IRGC: variants seen among roughly 807,000 people sequenced by gnomAD.
The protein encoded by IRGC is immunity related GTPase cinema, also known as interferon-inducible GTPase 5.
Under a neutral mutation model 16.1 loss-of-function variants are expected in IRGC, and 4 were observed. The observed-to-expected ratio is 0.25, with a 90% CI of 0.12 to 0.57. IRGC has a LOEUF of 0.57. Ranked by LOEUF, IRGC falls within the 20% of genes least tolerant of loss-of-function variation. IRGC has a pLI of 0.92. For synonymous variants in IRGC, 307 were observed against 299.5 expected, an observed-to-expected ratio of 1.03 and a Z score of -0.26; for missense variants, 570 against 643.9, an observed-to-expected ratio of 0.89 and a Z score of 1.24.
chr19:43,716,606 A>G (rs549572211), intron 1 of IRGC, among the ~76,000 whole-genome samples: 3 of 152,196 alleles, frequency 2.0e-5, no homozygotes, highest in East Asian at 3.9e-4. Context: ...CCAAAGTGCT[A>G]GGATTACAGG....
rs1968245018 is a variant in IRGC, at chr19:43,719,822, G to T, written c.1264G>T (p.Gly422Cys). The change falls in exon 2 of 2, where the codon GGC becomes TGC. Residue 422 changes from glycine (G) to cysteine (C), a missense_variant. Gly to Cys is a radical substitution (Grantham distance 159). Transcript: ENST00000244314. ...CAGCTTGGAAGTGGCCAGTGACAATGGCGTGGAAAAGGGGGGCTCCGGGGA... is the reference window on the plus strand; with the variant it reads ...CAGCTTGGAAGTGGCCAGTGACAATTGCGTGGAAAAGGGGGGCTCCGGGGA... ...EVSLEVASDN[G>C]VEKGGSGEGG... 2 of 1,613,950 alleles carry T rather than the reference G, an allele frequency of 1.2e-6. No homozygotes were observed. Among genetic ancestry groups the T allele is most frequent in the African/African-American group, 2.7e-5 (2 of 74,940 alleles).
Position 43,718,766 on chromosome 19 carries a change from C to T in IRGC, c.208C>T (p.Leu70Phe). The change falls in exon 2 of 2, where the codon CTC becomes TTC. Residue 70 changes from leucine to phenylalanine, a missense_variant. Leu to Phe is a conservative substitution (Grantham distance 22, BLOSUM62 0). Coordinates refer to ENST00000244314, the MANE Select transcript of IRGC (RefSeq NM_019612.4). ...CGAGTCGGGCGCGGGCAAGTCCTCC[C>T]TCATCAATGCCCTGCGTGGCCTGGA... is the stretch of plus-strand genomic sequence containing the variant. ...TGESGAGKSSLINALRGLEAE... is the reference protein window; with the variant it reads ...TGESGAGKSSFINALRGLEAE... 1 of 1,612,918 alleles carries T rather than the reference C, an allele frequency of 6.2e-7. No homozygotes were observed. Among genetic ancestry groups the T allele is most frequent in the Non-Finnish European group, 8.5e-7 (1 of 1,179,876 alleles).
rs756387844 is a variant in IRGC, at chr19:43,719,166, G to A, written c.608G>A (p.Arg203Gln). The A allele has an allele frequency of 1.2e-5, 19 of 1,609,168 alleles. No homozygotes were observed. Among genetic ancestry groups the A allele is most frequent in the Non-Finnish European group, 1.6e-5 (19 of 1,179,670 alleles). The change falls in exon 2 of 2, where the codon CGG (arginine) becomes CAG (glutamine). Residue 203 changes from arginine (R) to glutamine (Q), a missense_variant. By Grantham distance (43) the Arg-to-Gln change is conservative. Coordinates refer to ENST00000244314, the MANE Select transcript of IRGC (RefSeq NM_019612.4). ...CGAGACCACTGTGCCGAGCGGCTGC[G>A]GGAGGCCGGCGTGGCTGACCCTCGC... ...EIRDHCAERLREAGVADPRIF... is the reference protein window; with the variant it reads ...EIRDHCAERLQEAGVADPRIF...
chr19:43,718,504 C>G lies in IRGC; in HGVS notation c.-55C>G. ...CTTCTCCTCTGCAGGCGCTGAGGAT[C>G]ACGCATCCTGTGACTCTCCCCTGTC... On this transcript the variant is annotated 5_prime_UTR_variant, in exon 2 of 2. The change creates a new upstream start codon in the 5' untranslated region. Coordinates refer to ENST00000244314, the MANE Select transcript of IRGC (RefSeq NM_019612.4). 1.3e-6 allele frequency: 2 copies of G among 1,516,644 alleles called. No homozygotes were observed. The highest frequency in any genetic ancestry group is 1.8e-6 in the Non-Finnish European group (2 of 1,134,504). The allele number at this position is 1,516,644 out of a possible 1,614,324, so 93.9% of individuals were successfully genotyped here.
chr19:43,719,706 C>T lies in IRGC; in HGVS notation c.1148C>T (p.Thr383Ile), dbSNP rs1600178255. 6.2e-7 allele frequency: 1 copy of T among 1,612,658 alleles called. No homozygotes were observed. Among genetic ancestry groups the T allele is most frequent in the East Asian group, 2.2e-5 (1 of 44,866 alleles). ...AGGISFGAVY[T>I]MLQGCLNEMA... Reference sequence around the variant, plus strand: ...GGCATCAGCTTTGGCGCTGTCTACACCATGCTCCAGGGCTGCCTCAACGAG... The same window carrying T: ...GGCATCAGCTTTGGCGCTGTCTACATCATGCTCCAGGGCTGCCTCAACGAG... The change falls in exon 2 of 2, where the codon ACC (threonine) becomes ATC (isoleucine). Residue 383 changes from threonine to isoleucine, a missense_variant. Transcript: ENST00000244314.
In IRGC at chr19:43,719,820, A is replaced by T; in HGVS notation, c.1262A>T (p.Asn421Ile). The T allele has an allele frequency of 6.2e-7, 1 of 1,600,530 alleles. No individual in the cohort carries two copies. Among genetic ancestry groups the T allele is most frequent in the South Asian group, 1.1e-5 (1 of 90,818 alleles). Residue 421 changes from asparagine to isoleucine, a missense_variant, in exon 2 of 2, where the codon AAT (asparagine) becomes ATT (isoleucine). Physicochemically the swap from Asn to Ile is moderately radical, Grantham distance 149. Coordinates refer to ENST00000244314, the MANE Select transcript of IRGC (RefSeq NM_019612.4). ...PEVSLEVASD[N>I]GVEKGGSGEG... ...GTCAGCTTGGAAGTGGCCAGTGACA[A>T]TGGCGTGGAAAAGGGGGGCTCCGGG...
Position 43,718,813 on chromosome 19 carries a change from T to C in IRGC, c.255T>C (p.Ala85=), listed in dbSNP as rs755413542. ...TGGAGGCCGAGGACCCTGGCGCGGC[T>C]CTCACGGGCGTCATGGAGACCACGA... ...RGLEAEDPGA[A]LTGVMETTMQ... Residue 85 remains alanine, a synonymous_variant, in exon 2 of 2, where the codon GCT becomes GCC. Transcript: ENST00000244314. 3.4e-5 allele frequency: 55 copies of C among 1,612,752 alleles called. No homozygotes were observed. In the South Asian group the frequency reaches 6.0e-4, roughly 18 times the overall value.
In IRGC at chr19:43,718,876, C is replaced by G. The variant is rs765919907; in HGVS notation, c.318C>G (p.Asp106Glu). The change falls in exon 2 of 2, where the codon GAC becomes GAG. Residue 106 changes from aspartate to glutamate, a missense_variant. Transcript: ENST00000244314. The part of the protein sequence containing the change: ...PSPYPHPQFP[D>E]VTLWDLPGAG... ...CCTATCCACACCCACAGTTCCCTGA[C>G]GTGACCCTCTGGGACCTGCCAGGAG... 1.2e-6 allele frequency: 2 copies of G among 1,613,378 alleles called. No individual in the cohort carries two copies. The highest frequency in any genetic ancestry group is 2.2e-5 in the South Asian group (2 of 91,088).
chr19:43,719,449 A>G lies in IRGC; in HGVS notation c.891A>G (p.Ser297=). ...AAYDDALLIH[S]LRGYHRSFGL... ...ACGATGATGCGTTGCTCATCCACTC[A>G]CTGCGTGGCTACCACCGCAGCTTTG... Residue 297 remains serine, a synonymous_variant, in exon 2 of 2, where the codon TCA becomes TCG. Transcript: ENST00000244314. The G allele has an allele frequency of 6.2e-7, 1 of 1,601,612 alleles. No individual in the cohort carries two copies. Among genetic ancestry groups the G allele is most frequent in the African/African-American group, 1.3e-5 (1 of 74,852 alleles).
Position 43,718,707 on chromosome 19 carries a change from C to G in IRGC, c.149C>G (p.Thr50Arg), listed in dbSNP as rs370947488. 8.1e-6 allele frequency: 13 copies of G among 1,613,400 alleles called. No individual in the cohort carries two copies. The highest frequency in any genetic ancestry group is 1.3e-5 in the African/African-American group (1 of 74,942). ...CACCTCCAGGAGCTGCTGGCCTCCA[C>G]GGAAAGCATCCGCCTGGAGGTGGGC... is the stretch of plus-strand genomic sequence containing the variant. The part of the protein sequence containing the change: ...ASHLQELLAS[T>R]ESIRLEVGVT... Residue 50 changes from threonine (T) to arginine (R), a missense_variant, in exon 2 of 2, where the codon ACG becomes AGG. Coordinates refer to ENST00000244314, the MANE Select transcript of IRGC (RefSeq NM_019612.4).
chr19:43,718,461 G>A (rs549736858), intron 1 of IRGC, 32 bp from the exon 2 acceptor site: 2 of 1,495,008 alleles, frequency 1.3e-6, no homozygotes, highest in Admixed American at 4.6e-5. Context: ...CCAAGGCCCA[G>A]GAGGTGTGAA....
At chr19:43,716,779 G>A (rs1968175893) in intron 1 of IRGC, among the ~76,000 whole-genome samples, 1 of 152,146 alleles carries the variant, frequency 6.6e-6, no homozygotes, top group Non-Finnish European at 1.5e-5. Context: ...TGAAGGGAGA[G>A]TAGCTCTCTA....
In IRGC at chr19:43,719,317, GGA is replaced by G; in HGVS notation, c.761_762del (p.Glu254GlyfsTer37). On this transcript the variant is annotated frameshift_variant, in exon 2 of 2. Coordinates refer to ENST00000244314, the MANE Select transcript of IRGC (RefSeq NM_019612.4). LOFTEE classifies it high-confidence loss of function. ...TGCTGTCGCTCCCCGACATCTCGCT[GGA>G]GGCCTTGCAGAAGAAGAAGGCCATG... ...GLLSLPDISL[E>X]ALQKKKAMLQ... 1.9e-6 allele frequency: 3 copies of G among 1,610,986 alleles called. No individual in the cohort carries two copies. The highest frequency in any genetic ancestry group is 2.5e-6 in the Non-Finnish European group (3 of 1,178,238).
In IRGC at chr19:43,719,000, G is replaced by A. The variant is rs370201430; in HGVS notation, c.442G>A (p.Val148Ile). The change falls in exon 2 of 2, where the codon GTC becomes ATC. Residue 148 changes from valine to isoleucine, a missense_variant. Val to Ile is a conservative substitution (Grantham distance 29, BLOSUM62 3). Coordinates refer to ENST00000244314, the MANE Select transcript of IRGC (RefSeq NM_019612.4). The stretch of plus-strand genomic sequence containing the variant: ...GGTCTCCCCCCGCCGCTGCGGGGCC[G>A]TCGAGACCCGCCTGGCCGCTGAGAT... Reference protein sequence around the residue: ...LLVSPRRCGAVETRLAAEILC... With the variant: ...LLVSPRRCGAIETRLAAEILC... The A allele has an allele frequency of 9.3e-6, 15 of 1,612,078 alleles. No homozygotes were observed. Among genetic ancestry groups the A allele is most frequent in the Admixed American group, 3.3e-5 (2 of 59,866 alleles).
In IRGC at chr19:43,719,583, C is replaced by G. The variant is rs746848166; in HGVS notation, c.1025C>G (p.Thr342Ser). 1.2e-5 allele frequency: 19 copies of G among 1,602,366 alleles called. No individual in the cohort carries two copies. The highest frequency in any genetic ancestry group is 1.5e-5 in the Non-Finnish European group (18 of 1,179,822). ...CTGGCCAACGAGGTCTCGCCTGAGA[C>G]TGTCCTGCGGCTCTATTCCCAGTCG... ...SPLANEVSPETVLRLYSQSSD... is the reference protein window; with the variant it reads ...SPLANEVSPESVLRLYSQSSD... Residue 342 changes from threonine to serine, a missense_variant, in exon 2 of 2, where the codon ACT (threonine) becomes AGT (serine). Thr to Ser is a moderately conservative substitution (Grantham distance 58). Coordinates refer to ENST00000244314, the MANE Select transcript of IRGC (RefSeq NM_019612.4).
Position 43,718,974 on chromosome 19 carries a change from TG to T in IRGC, c.418del (p.Val140SerfsTer340), listed in dbSNP as rs1968220817. 1 of 1,609,682 alleles carries T rather than the reference TG, an allele frequency of 6.2e-7. No homozygotes were observed. Among genetic ancestry groups the T allele is most frequent in the Admixed American group, 1.7e-5 (1 of 59,504 alleles). On this transcript the variant is annotated frameshift_variant, in exon 2 of 2. Coordinates refer to ENST00000244314, the MANE Select transcript of IRGC (RefSeq NM_019612.4). LOFTEE classifies it high-confidence loss of function. ...VDFSRYDFFL[L>X]VSPRRCGAVE... ...TTCAGCCGCTATGACTTCTTCCTGCTGGTCTCCCCCCGCCGCTGCGGGGCCG... is the reference window on the plus strand; with the variant it reads ...TTCAGCCGCTATGACTTCTTCCTGCTGTCTCCCCCCGCCGCTGCGGGGCCG...
intron 1 of IRGC, 89 bp from the exon 2 acceptor site, chr19:43,718,404 G>T (rs2146334323): frequency 2.9e-6 from 4 of 1,391,760 alleles, no homozygotes; most frequent in Non-Finnish European, 3.7e-6. Context: ...TGGGCTTCCA[G>T]GGCGACTCCC....
chr19:43,718,720 C>T lies in IRGC; in HGVS notation c.162C>T (p.Arg54=), dbSNP rs368935938. The T allele has an allele frequency of 5.6e-6, 9 of 1,613,280 alleles. No homozygotes were observed. The highest frequency in any genetic ancestry group is 1.3e-5 in the African/African-American group (1 of 74,946). The change falls in exon 2 of 2, where the codon CGC becomes CGT. Residue 54 remains arginine, a synonymous_variant. Transcript: ENST00000244314. ...TGCTGGCCTCCACGGAAAGCATCCG[C>T]CTGGAGGTGGGCGTCACGGGCGAGT... ...QELLASTESI[R]LEVGVTGESG... is the part of the protein sequence containing the mutation.
rs1218938704 is a variant in IRGC at position 43,718,474 on chromosome 19, G to A, written c.-66-19G>A. On this transcript the variant is annotated intron_variant, in intron 1 of 1. Transcript: ENST00000244314. ...TGCCAAGGCCCAGGAGGTGTGAATG[G>A]CTCCCTTCTCCTCTGCAGGCGCTGA... 6.7e-7 allele frequency: 1 copy of A among 1,499,148 alleles called. No homozygotes were observed. The allele number at this position is 1,499,148 out of a possible 1,614,324, so 92.9% of individuals were successfully genotyped here. A position where few individuals can be genotyped will look rare whatever the true frequency, so the allele number is the denominator to read the frequency against.
Sources: allele counts gnomAD v4.1 joint callset (sites outside exome capture counted in the v4.1 genomes callset), GRCh38; gene constraint gnomAD v4.1.1; transcripts MANE v1.5; gene names NCBI Gene and HGNC (gene_info 2026-07-23, HGNC 2026-07-21).